CMIP: variants seen among roughly 807,000 people sequenced by gnomAD.
CMIP encodes the protein c-Maf inducing protein, also known as C-Maf-inducing protein.
CMIP carries 13 observed loss-of-function variants against 97.3 expected under a neutral mutation model. That is an observed-to-expected ratio of 0.13 (90% CI 0.09 to 0.21). The LOEUF is 0.21. Among genes scored for constraint, CMIP ranks in the 10% least tolerant of loss-of-function variants. CMIP has a pLI of 1.00. For missense variants in CMIP, 847 were observed against 1,024.9 expected (o/e 0.83, Z 2.37); for synonymous variants, 538 against 436.3 (o/e 1.23, Z -2.91).
At position 81,627,325 on chromosome 16, in the gene CMIP, AT is replaced by A. The variant is rs973725418; in HGVS notation, c.477+6400del. 6.6e-6 allele frequency among the ~76,000 whole-genome samples: 1 copy of A among 151,700 alleles called. No homozygotes were observed. The highest frequency in any genetic ancestry group is 2.4e-5 in the African/African-American group (1 of 41,220). On this transcript the variant is annotated intron_variant, in intron 3 of 20. Transcript: ENST00000537098. The surrounding 1 kb of genome is among the most constrained non-coding windows in gnomAD (Gnocchi z 4.6). ...CAGTTTTCTCCTCTGTGGAATGGGG[AT>A]GATCATGGCGTCTCGTCACTGGGCC...
intron 1 of CMIP, among the ~76,000 whole-genome samples, chr16:81,475,644 A>G (rs1007207845): frequency 6.6e-6 from 1 of 152,216 alleles, no homozygotes; most frequent in Non-Finnish European, 1.5e-5. Flanking sequence ...CAAATGGGGC[A>G]GAGGGGTGCT....
chr16:81,521,944 T>C (rs2090037051), intron 1 of CMIP, among the ~76,000 whole-genome samples: 1 of 152,164 alleles, frequency 6.6e-6, no homozygotes, highest in Non-Finnish European at 1.5e-5. Flanking sequence ...AAATGCAGGG[T>C]ACAGAATATT....
At chr16:81,610,689 G>C (rs116910084) in intron 2 of CMIP, 3,695 of 282,178 alleles carry the variant, frequency 0.013, 34 homozygotes, top group Non-Finnish European at 0.016. Context: ...GTGGTATGTA[G>C]CTGGCTCATT....
At chr16:81,482,008 A>G (rs1175878072) in intron 1 of CMIP, among the ~76,000 whole-genome samples, 1 of 151,664 alleles carries the variant, frequency 6.6e-6, no homozygotes, top group Non-Finnish European at 1.5e-5. Flanking sequence ...CCTCCTGAGT[A>G]GCTGGGATTA....
At chr16:81,524,260 C>A (rs1156523445) in intron 1 of CMIP, among the ~76,000 whole-genome samples, 1 of 152,216 alleles carries the variant, frequency 6.6e-6, no homozygotes, top group Non-Finnish European at 1.5e-5. Context: ...TATTGAGCAC[C>A]TCCTCTGTAG....
chr16:81,581,302 A>G (rs138626476), intron 1 of CMIP, among the ~76,000 whole-genome samples: 3 of 152,284 alleles, frequency 2.0e-5, no homozygotes, highest in Non-Finnish European at 4.4e-5. Flanking sequence ...GCGCGTAGTT[A>G]GGTGATTTAG....
rs367676332 is a variant in CMIP, at chr16:81,547,113, G to A, written c.301-60454G>A. ...ATGGCCGAGCCATGCCTGGGCTCCC[G>A]GAGGCAGGGAGGTTTCAATGGTGTT... On this transcript the variant is annotated intron_variant, in intron 1 of 20. Coordinates refer to ENST00000537098, the MANE Select transcript of CMIP (RefSeq NM_198390.3). 5.9e-5 allele frequency among the ~76,000 whole-genome samples: 9 copies of A among 152,292 alleles called. No homozygotes were observed. In the South Asian group the frequency reaches 6.2e-4, roughly 11 times the overall value.
At chr16:81,613,219 C>T (rs905306205) in intron 2 of CMIP, among the ~76,000 whole-genome samples, 4 of 152,214 alleles carry the variant, frequency 2.6e-5, no homozygotes, top group Admixed American at 2.0e-4. Flanking sequence ...AAGGTGAGGT[C>T]TCCTGCGTGC....
At chr16:81,681,180 C>A (rs1227370526) in intron 10 of CMIP, among the ~76,000 whole-genome samples, 1 of 152,228 alleles carries the variant, frequency 6.6e-6, no homozygotes, top group Non-Finnish European at 1.5e-5. Context: ...ATGCTCCTGG[C>A]AGCCTCTTCC....
At chr16:81,674,332 C>T (rs1038294760) in intron 9 of CMIP, among the ~76,000 whole-genome samples, 1 of 152,178 alleles carries the variant, frequency 6.6e-6, no homozygotes, top group African/African-American at 2.4e-5. Context: ...GGGGTTTCAC[C>T]ATGTTAGCCA....
rs1904494633 is a variant in CMIP at position 81,678,425 on chromosome 16, G to T, written c.1185G>T (p.Val395=). The part of the protein sequence containing the change: ...ATLSEARLKS[V]VVASSEIHVE... ...TGTCTGAGGCCCGGCTCAAGTCGGT[G>T]GTCGTGGCCTCCAGTGAGATCCACG... The change falls in exon 10 of 21, where the codon GTG becomes GTT. Residue 395 remains valine (V), a synonymous_variant. Transcript: ENST00000537098. 1.9e-6 allele frequency: 3 copies of T among 1,593,628 alleles called. No homozygotes were observed. The highest frequency in any genetic ancestry group is 2.6e-6 in the Non-Finnish European group (3 of 1,171,010).
intron 10 of CMIP, 49 bp from the exon 11 acceptor site, chr16:81,691,726 A>G: frequency 6.4e-7 from 1 of 1,553,974 alleles, no homozygotes; most frequent in South Asian, 1.1e-5. Context: ...CAGTGCCATA[A>G]ACCTTCCTTG....
chr16:81,673,321 GC>G (rs2092699641), intron 9 of CMIP, among the ~76,000 whole-genome samples: 1 of 152,112 alleles, frequency 6.6e-6, no homozygotes, highest in African/African-American at 2.4e-5. Flanking sequence ...TTGGAGACCA[GC>G]CTGGCCAACA....
At chr16:81,482,718 C>G (rs531513167) in intron 1 of CMIP, among the ~76,000 whole-genome samples, 1 of 152,198 alleles carries the variant, frequency 6.6e-6, no homozygotes, top group Non-Finnish European at 1.5e-5. Flanking sequence ...TGCATCTTCC[C>G]ATTGCTGGAG....
chr16:81,466,969 C>T (rs1490125671), intron 1 of CMIP, among the ~76,000 whole-genome samples: 3 of 152,220 alleles, frequency 2.0e-5, no homozygotes, highest in African/African-American at 7.2e-5. Flanking sequence ...GCCAGTTCTT[C>T]TGGTTAGATG....
At chr16:81,454,530 C>T (rs865871359) in intron 1 of CMIP, among the ~76,000 whole-genome samples, 2 of 152,164 alleles carry the variant, frequency 1.3e-5, no homozygotes, top group Non-Finnish European at 2.9e-5. Context: ...TTAAGGGAAC[C>T]GATGTGGGAA....
At chr16:81,669,118 AC>A (rs2092648789) in intron 7 of CMIP, among the ~76,000 whole-genome samples, 1 of 24,446 alleles carries the variant, frequency 4.1e-5, no homozygotes, top group Non-Finnish European at 9.7e-5. Context: ...CACCTCTCAC[AC>A]TCACCTCCTT....
intron 1 of CMIP, among the ~76,000 whole-genome samples, chr16:81,553,551 A>G (rs1028445549): frequency 1.3e-5 from 2 of 152,184 alleles, no homozygotes; most frequent in Admixed American, 6.5e-5. Flanking sequence ...CAGGGGAGGC[A>G]ACTGTGACGC....
rs911351780 is a variant in CMIP at position 81,660,459 on chromosome 16, G to A, written c.682-425G>A. 5.9e-5 allele frequency among the ~76,000 whole-genome samples: 9 copies of A among 152,126 alleles called. No individual in the cohort carries two copies. The East Asian group carries it at 1.7e-3, about 29-fold the overall frequency. On this transcript the variant is annotated intron_variant, in intron 5 of 20. Transcript: ENST00000537098. ...CCAGTTAATTTTTGTATTTTTGGTAGAGACGGAGTTTCCCTATGTTGGCCA... is the reference window on the plus strand; with the variant it reads ...CCAGTTAATTTTTGTATTTTTGGTAAAGACGGAGTTTCCCTATGTTGGCCA...
Sources: allele counts gnomAD v4.1 joint callset (sites outside exome capture counted in the v4.1 genomes callset), GRCh38; gene constraint gnomAD v4.1.1; non-coding constraint Gnocchi (gnomAD v3.1); transcripts MANE v1.5; gene names NCBI Gene and HGNC (gene_info 2026-07-23, HGNC 2026-07-21).